The following ZNF69 variants were observed in gnomAD, a reference collection of about 807,000 sequenced individuals.
The protein encoded by ZNF69 is zinc finger protein 69.
A neutral mutation model predicts 50.9 loss-of-function variants in ZNF69; 47 were observed. That is an observed-to-expected ratio of 0.92 (90% CI 0.73 to 1.18). The LOEUF is 1.18. Ranked by LOEUF, ZNF69 falls within the 50% of genes most tolerant of loss-of-function variation. The pLI is 0.00. For synonymous variants in ZNF69, 216 were observed against 223.1 expected (o/e 0.97, Z 0.29); for missense variants, 717 against 675.1 (o/e 1.06, Z -0.69).
At chr19:11,947,681 TTTC>T in the ZNF69 span, 4 of 1,117,696 alleles carry the variant, frequency 3.6e-6, 1 homozygote, top group African/African-American at 6.3e-5. Context: ...ATCAAATTCA[TTTC>T]TTCTTAGAAT....
At position 11,904,879 on chromosome 19, in the gene ZNF69, C is replaced by G; in HGVS notation, c.482C>G (p.Pro161Arg). Reference sequence around the variant, plus strand: ...GCCTATGAGTATCAGGAATATGGACCGAAGCCATGTAAGTGTCAACAACCT... The same window carrying G: ...GCCTATGAGTATCAGGAATATGGACGGAAGCCATGTAAGTGTCAACAACCT... ...HKAYEYQEYG[P>R]KPCKCQQPKK... The change falls in exon 4 of 4, where the codon CCG becomes CGG. Residue 161 changes from proline to arginine, a missense_variant. By Grantham distance (103) the Pro-to-Arg change is moderately radical. Coordinates refer to ENST00000429654, the MANE Select transcript of ZNF69 (RefSeq NM_001364730.1). 6.2e-7 allele frequency: 1 copy of G among 1,614,080 alleles called. No homozygotes were observed. The highest frequency in any genetic ancestry group is 8.5e-7 in the Non-Finnish European group (1 of 1,180,026).
At chr19:11,950,333 C>T in the ZNF69 span, 23 of 1,397,624 alleles carry the variant, frequency 1.6e-5, no homozygotes, top group Admixed American at 4.3e-5. Flanking sequence ...AAAACTTTCA[C>T]ATTTTCCAGT....
Position 11,905,953 on chromosome 19 carries a change from G to T in ZNF69, c.1556G>T (p.Ser519Ile). 1 of 1,612,824 alleles carries T rather than the reference G, an allele frequency of 6.2e-7. No individual in the cohort carries two copies. Among genetic ancestry groups the T allele is most frequent in the Non-Finnish European group, 8.5e-7 (1 of 1,179,740 alleles). Residue 519 changes from serine to isoleucine, a missense_variant, in exon 4 of 4, where the codon AGT becomes ATT. Transcript: ENST00000429654. ...KQCGEAFSSS[S>I]SFRYHERTHT... is the part of the protein sequence containing the mutation. ...TGTGGTGAAGCCTTCAGTAGTTCCA[G>T]TTCCTTTCGATACCATGAAAGGACT...
At chr19:11,965,477 C>T in the ZNF69 span, among the ~76,000 whole-genome samples, 1 of 152,218 alleles carries the variant, frequency 6.6e-6, no homozygotes, top group African/African-American at 2.4e-5. Flanking sequence ...CCCGCAGCCC[C>T]GCGTCTCCCC....
rs779508166 is a variant in ZNF69 at position 11,905,849 on chromosome 19, GA to G, written c.1455del (p.Gly486AlafsTer123). 5 of 1,613,732 alleles carry G rather than the reference GA, an allele frequency of 3.1e-6. No individual in the cohort carries two copies. Among genetic ancestry groups the G allele is most frequent in the Non-Finnish European group, 4.2e-6 (5 of 1,179,970 alleles). The part of the protein sequence containing the change: ...ERPYKCKLCG[K>X]GFYCPKSLQR... ...GACCTTATAAATGTAAGCTATGTGG[GA>G]AAGGCTTTTATTGTCCCAAATCATT... On this transcript the variant is annotated frameshift_variant, in exon 4 of 4. Coordinates refer to ENST00000429654, the MANE Select transcript of ZNF69 (RefSeq NM_001364730.1). LOFTEE classifies it high-confidence loss of function.
At chr19:11,942,918 T>A in the ZNF69 span, among the ~76,000 whole-genome samples, 1 of 152,300 alleles carries the variant, frequency 6.6e-6, no homozygotes, top group Non-Finnish European at 1.5e-5. Flanking sequence ...TTCCCCCCTT[T>A]GAGAATCTCA....
At chr19:11,944,447 T>C in the ZNF69 span, among the ~76,000 whole-genome samples, 1 of 152,196 alleles carries the variant, frequency 6.6e-6, no homozygotes, top group Non-Finnish European at 1.5e-5. Context: ...GTAGGCAGCA[T>C]GCAGTATCCA....
At chr19:11,965,348 C>T in the ZNF69 span, 17 of 1,180,648 alleles carry the variant, frequency 1.4e-5, no homozygotes, top group African/African-American at 2.0e-4. Context: ...GCTGCTCGGC[C>T]CTCGGTCCCC....
At chr19:11,911,423 C>A (rs1044554407), downstream of ZNF69, among the ~76,000 whole-genome samples, 3 of 152,132 alleles carry the variant, frequency 2.0e-5, no homozygotes, top group Non-Finnish European at 4.4e-5. Flanking sequence ...GGAACCAAAC[C>A]AAATGTCCAT....
the ZNF69 span, among the ~76,000 whole-genome samples, chr19:11,960,348 C>G: frequency 4.2e-4 from 64 of 152,354 alleles, no homozygotes; most frequent in African/African-American, 1.5e-3. Context: ...TTGAGACAAC[C>G]TTGCTCTGTA....
the ZNF69 span, among the ~76,000 whole-genome samples, chr19:11,941,342 AG>A: frequency 6.6e-6 from 1 of 152,214 alleles, no homozygotes; most frequent in Non-Finnish European, 1.5e-5. Context: ...GCTGTGGAGC[AG>A]GGGGCGGCGC....
chr19:11,945,668 TG>T, the ZNF69 span, among the ~76,000 whole-genome samples: 1 of 152,124 alleles, frequency 6.6e-6, no homozygotes, highest in Non-Finnish European at 1.5e-5. Context: ...TAGCCAGAGC[TG>T]GTCTTATCTC....
the ZNF69 span, chr19:11,949,570 G>A: frequency 4.3e-6 from 7 of 1,611,962 alleles, no homozygotes; most frequent in Admixed American, 1.7e-5. Flanking sequence ...ATGTGAGAAA[G>A]GCTTTTATTC....
intron 1 of ZNF69, among the ~76,000 whole-genome samples, chr19:11,888,967 C>T (rs1977014740): frequency 6.6e-6 from 1 of 151,952 alleles, no homozygotes; most frequent in Non-Finnish European, 1.5e-5. Flanking sequence ...GCGACTCTGT[C>T]TCAAAACAAA....
At chr19:11,933,349 A>G in the ZNF69 span, among the ~76,000 whole-genome samples, 1 of 148,418 alleles carries the variant, frequency 6.7e-6, no homozygotes, top group Admixed American at 6.6e-5. Flanking sequence ...GAACACGATG[A>G]AAATTGAAGA....
At chr19:11,962,452 C>G in the ZNF69 span, among the ~76,000 whole-genome samples, 2 of 152,172 alleles carry the variant, frequency 1.3e-5, no homozygotes, top group African/African-American at 4.8e-5. Context: ...GCAGAAACTC[C>G]TGGGCTCAAG....
downstream of ZNF69, among the ~76,000 whole-genome samples, chr19:11,907,255 A>T (rs1205154816): frequency 1.3e-5 from 2 of 152,220 alleles, no homozygotes; most frequent in African/African-American, 4.8e-5. Context: ...ACTCTTCAGG[A>T]TATTATTCAG....
In ZNF69 at chr19:11,905,229, T is replaced by C. The variant is rs773070175; in HGVS notation, c.832T>C (p.Cys278Arg). The C allele has an allele frequency of 1.2e-5, 19 of 1,614,062 alleles. No homozygotes were observed. The highest frequency in any genetic ancestry group is 1.6e-5 in the Non-Finnish European group (19 of 1,180,048). The change falls in exon 4 of 4, where the codon TGT becomes CGT. Residue 278 changes from cysteine (C) to arginine (R), a missense_variant. Cys to Arg is a radical substitution (Grantham distance 180). Transcript: ENST00000429654. Reference protein sequence around the residue: ...RTHTGEKPYECQQCGKAFHSP... With the variant: ...RTHTGEKPYERQQCGKAFHSP... ...TCACACTGGAGAAAAGCCTTATGAA[T>C]GTCAGCAATGTGGGAAAGCATTTCA...
chr19:11,891,596 C>T (rs1415284510), intron 1 of ZNF69, among the ~76,000 whole-genome samples: 3 of 152,128 alleles, frequency 2.0e-5, no homozygotes, highest in African/African-American at 7.2e-5. Context: ...TGGGGGCTGA[C>T]AGCATCACAA....
Sources: gnomAD v4.1 joint callset for allele counts (sites outside exome capture counted in the v4.1 genomes callset) on GRCh38, gnomAD v4.1.1 for gene constraint, MANE v1.5 for transcripts, NCBI Gene and HGNC (gene_info 2026-07-23, HGNC 2026-07-21) for gene names.